APBB1IP: variants seen among roughly 807,000 people sequenced by gnomAD.
The protein encoded by APBB1IP is amyloid beta A4 precursor protein-binding family B member 1-interacting protein.
Under a neutral mutation model 64.9 loss-of-function variants are expected in APBB1IP, and 27 were observed. That is an observed-to-expected ratio of 0.42 (90% CI 0.31 to 0.57). The LOEUF is 0.57. Among genes scored for constraint, APBB1IP ranks in the 20% least tolerant of loss-of-function variants. APBB1IP has a pLI of 0.20. For synonymous variants in APBB1IP, 392 were observed against 331.0 expected (o/e 1.18, Z -2.00); for missense variants, 812 against 845.5 (o/e 0.96, Z 0.49).
At chr10:26,539,379 TC>T (rs752568896) in intron 10 of APBB1IP, among the ~76,000 whole-genome samples, 1 of 131,878 alleles carries the variant, frequency 7.6e-6, no homozygotes, top group Admixed American at 9.2e-5. Context: ...GCCACTGCAC[TC>T]CAGCTGAAGT....
rs527613224 is a variant in APBB1IP, at chr10:26,497,186, A to C, written c.160+795A>C. Among the ~76,000 whole-genome samples, 3 of 152,112 alleles carry C rather than the reference A, an allele frequency of 2.0e-5. 1 individual carries two copies. The highest frequency in any genetic ancestry group is 2.4e-5 in the African/African-American group (1 of 41,500). On this transcript the variant is annotated intron_variant, in intron 4 of 14. Coordinates refer to ENST00000376236, the MANE Select transcript of APBB1IP (RefSeq NM_019043.4). ...AGTGAGATTCTATCTCAAGAAAATA[A>C]AAAACAAAACAAAACAAAAACTCTG...
At chr10:26,530,228 C>CTTTTCTTT (rs1554778617) in intron 8 of APBB1IP, among the ~76,000 whole-genome samples, 1 of 28,940 alleles carries the variant, frequency 3.5e-5, no homozygotes, top group Non-Finnish European at 9.6e-5. Context: ...TTTTCTTTTT[C>CTTTTCTTT]TTTTTTTTTT....
chr10:26,463,898 C>T (rs1304392001), intron 2 of APBB1IP, among the ~76,000 whole-genome samples: 1 of 152,176 alleles, frequency 6.6e-6, no homozygotes, highest in Non-Finnish European at 1.5e-5. Context: ...CCACTTGCCC[C>T]CAACCCCGGA....
At chr10:26,520,820 C>T (rs1463199907) in intron 8 of APBB1IP, among the ~76,000 whole-genome samples, 1 of 152,110 alleles carries the variant, frequency 6.6e-6, no homozygotes, top group Admixed American at 6.5e-5. Context: ...TCAAATCCAG[C>T]GTGAAAACCA....
intron 14 of APBB1IP, among the ~76,000 whole-genome samples, chr10:26,565,238 T>C (rs1368595566): frequency 1.3e-5 from 2 of 152,308 alleles, no homozygotes; most frequent in East Asian, 3.9e-4. Context: ...GTTTCTACTG[T>C]GTGTTGTGTG....
At chr10:26,560,017 A>C in intron 11 of APBB1IP, 88 bp from the exon 12 acceptor site, 6 of 1,068,334 alleles carry the variant, frequency 5.6e-6, no homozygotes, top group Non-Finnish European at 7.3e-6. Context: ...ATATATTGTT[A>C]GAGATTTTTT....
At chr10:26,452,336 G>A (rs1465825059) in intron 2 of APBB1IP, among the ~76,000 whole-genome samples, 2 of 152,176 alleles carry the variant, frequency 1.3e-5, no homozygotes, top group East Asian at 1.9e-4. Flanking sequence ...AGTACATGGT[G>A]CATGTCACAC....
intron 8 of APBB1IP, among the ~76,000 whole-genome samples, chr10:26,514,013 C>A (rs1377702709): frequency 1.3e-5 from 2 of 152,158 alleles, no homozygotes; most frequent in South Asian, 4.2e-4. Context: ...GGATTACAGA[C>A]GTGAGCCACT....
chr10:26,504,690 C>G (rs968999043), intron 6 of APBB1IP, among the ~76,000 whole-genome samples: 1 of 151,596 alleles, frequency 6.6e-6, no homozygotes, highest in Non-Finnish European at 1.5e-5. Context: ...AGCCTGGACT[C>G]CAGAGCGAGA....
chr10:26,454,088 A>G (rs1835494970), intron 2 of APBB1IP, among the ~76,000 whole-genome samples: 1 of 152,216 alleles, frequency 6.6e-6, no homozygotes. Context: ...CATTATAAGT[A>G]AAAAAATCCA....
At chr10:26,501,457 T>C (rs374226549) in intron 5 of APBB1IP, 51 of 470,740 alleles carry the variant, frequency 1.1e-4, no homozygotes, top group South Asian at 8.3e-4. Context: ...TCCCTGTTCT[T>C]AGCTCAGTAC....
rs1554778195 is a variant in APBB1IP at position 26,524,974 on chromosome 10, T to TTTTTTTTTTTTTTTTA, written c.814-8465_814-8464insTTTTTTTTTTTTTTTA. Among the ~76,000 whole-genome samples, 744 of 126,350 alleles carry TTTTTTTTTTTTTTTTA rather than the reference T, an allele frequency of 5.9e-3. 49 individuals are homozygous for TTTTTTTTTTTTTTTTA. The highest frequency in any genetic ancestry group is 0.01 in the East Asian group (35 of 3,398). The allele number at this position is 126,350 out of a possible 152,430, so 82.9% of individuals were successfully genotyped here. ...TTCTTTCTTTTTTTTTTTTTTTTTT[T>TTTTTTTTTTTTTTTTA]ATAAAAAAAGGAATCCTGGCAAGAG... On this transcript the variant is annotated intron_variant, in intron 8 of 14. Coordinates refer to ENST00000376236, the MANE Select transcript of APBB1IP (RefSeq NM_019043.4).
intron 8 of APBB1IP, among the ~76,000 whole-genome samples, chr10:26,532,504 C>T (rs1836567095): frequency 6.6e-6 from 1 of 151,910 alleles, no homozygotes; most frequent in African/African-American, 2.4e-5. Flanking sequence ...TTTTTTGAGA[C>T]AAGGTCTCAC....
intron 11 of APBB1IP, 129 bp downstream of exon 11, chr10:26,541,821 T>A (rs1482765015): frequency 2.3e-5 from 14 of 621,996 alleles, no homozygotes; most frequent in Non-Finnish European, 7.9e-6. Context: ...AAAATAGGAA[T>A]GAGGGAAACA....
chr10:26,565,241 G>A lies in APBB1IP; in HGVS notation c.1474-1720G>A, dbSNP rs138557816. On this transcript the variant is annotated intron_variant, in intron 14 of 14. Coordinates refer to ENST00000376236, the MANE Select transcript of APBB1IP (RefSeq NM_019043.4). ...GAGTTGCTGTGTGTTTCTACTGTGT[G>A]TTGTGTGGAATAGGAGCAAGATAAT... Among the ~76,000 whole-genome samples the A allele has an allele frequency of 2.6e-3, 392 of 152,314 alleles. 2 individuals are homozygous for A. Among genetic ancestry groups the A allele is most frequent in the Non-Finnish European group, 4.3e-3 (293 of 68,038 alleles).
intron 2 of APBB1IP, among the ~76,000 whole-genome samples, chr10:26,487,741 C>T (rs1241918869): frequency 3.9e-5 from 6 of 152,140 alleles, no homozygotes; most frequent in Non-Finnish European, 5.9e-5. Flanking sequence ...GCCTGAGAAA[C>T]GAAGGCCTTT....
At chr10:26,465,274 A>C (rs971622156) in intron 2 of APBB1IP, among the ~76,000 whole-genome samples, 4 of 152,198 alleles carry the variant, frequency 2.6e-5, no homozygotes, top group Non-Finnish European at 5.9e-5. Flanking sequence ...ATGTCCACTG[A>C]ATTGACAGGC....
intron 3 of APBB1IP, among the ~76,000 whole-genome samples, chr10:26,494,820 A>G (rs925988901): frequency 1.3e-5 from 2 of 152,064 alleles, no homozygotes; most frequent in Non-Finnish European, 2.9e-5. Flanking sequence ...GTGAGACTCC[A>G]TCTCAATAAA....
At chr10:26,513,506 G>A (rs1461902326) in intron 7 of APBB1IP, 33 bp from the exon 8 acceptor site, 2 of 1,608,474 alleles carry the variant, frequency 1.2e-6, no homozygotes, top group African/African-American at 2.7e-5. Flanking sequence ...TGATGTCTTG[G>A]GTCTGAAAGA....
Sources: gnomAD v4.1 joint callset for allele counts (sites outside exome capture counted in the v4.1 genomes callset) on GRCh38, gnomAD v4.1.1 for gene constraint, MANE v1.5 for transcripts, NCBI Gene and HGNC (gene_info 2026-07-23, HGNC 2026-07-21) for gene names.